FBXW4: variants seen among roughly 807,000 people sequenced by gnomAD.
The protein encoded by FBXW4 is F-box and WD repeat domain containing 4, also known as F-box/WD repeat-containing protein 4.
Under a neutral mutation model 61.8 loss-of-function variants are expected in FBXW4, and 40 were observed. The observed-to-expected ratio is 0.65, with a 90% CI of 0.50 to 0.84. FBXW4 has a LOEUF of 0.84. FBXW4 is among the 40% of genes least tolerant of loss of function. The pLI, the probability that FBXW4 is intolerant of heterozygous loss-of-function variation, is 0.00. For synonymous variants in FBXW4, 311 were observed against 313.8 expected (o/e 0.99, Z 0.10); for missense variants, 672 against 753.8 (o/e 0.89, Z 1.27).
At chr10:101,628,011 C>A (rs2063921106) in intron 5 of FBXW4, 2 of 985,092 alleles carry the variant, frequency 2.0e-6, no homozygotes, top group African/African-American at 3.5e-5. Flanking sequence ...CGCGAGATGT[C>A]TTCAACCAGA....
At chr10:101,672,263 A>C (rs544972244) in intron 4 of FBXW4, among the ~76,000 whole-genome samples, 1 of 152,382 alleles carries the variant, frequency 6.6e-6, no homozygotes, top group Non-Finnish European at 1.5e-5. Flanking sequence ...GTTGGGCACA[A>C]GCCTGGAGAA....
rs3095789 is a variant in FBXW4 at position 101,627,783 on chromosome 10, C to T, written c.1236-2973G>A. On this transcript the variant is annotated intron_variant, in intron 5 of 8. Transcript: ENST00000331272. ...AAGTGAATATGAAGCAAAGGCCAAG[C>T]TTCCATGAATGGACTTAAAATACTG... Among the ~76,000 whole-genome samples, 808 of 152,294 alleles carry T rather than the reference C, an allele frequency of 5.3e-3. 12 individuals are homozygous for T. The highest frequency in any genetic ancestry group is 0.018 in the African/African-American group (764 of 41,554).
At chr10:101,641,877 G>A (rs1172593625) in intron 5 of FBXW4, among the ~76,000 whole-genome samples, 1 of 152,036 alleles carries the variant, frequency 6.6e-6, no homozygotes, top group African/African-American at 2.4e-5. Flanking sequence ...AGACACACAT[G>A]TGGCCAGGCA....
At chr10:101,639,593 T>C (rs2064034119) in intron 5 of FBXW4, among the ~76,000 whole-genome samples, 1 of 152,184 alleles carries the variant, frequency 6.6e-6, no homozygotes, top group South Asian at 2.1e-4. Flanking sequence ...TACATGACTT[T>C]CCCTCCCTGG....
At chr10:101,620,793 C>A (rs2063861661) in intron 6 of FBXW4, among the ~76,000 whole-genome samples, 1 of 152,098 alleles carries the variant, frequency 6.6e-6, no homozygotes, top group Non-Finnish European at 1.5e-5. Flanking sequence ...CTGTCTCATA[C>A]CTATTCTCAT....
chr10:101,646,800 G>A lies in FBXW4; in HGVS notation c.1235+21086C>T, dbSNP rs578018343. On this transcript the variant is annotated intron_variant, in intron 5 of 8. Coordinates refer to ENST00000331272, the MANE Select transcript of FBXW4 (RefSeq NM_022039.4). ...TTACATTTTGGTTCTGGGGTATTTA[G>A]TTGGTTTGAAAAAATAATCCAATTA... Among the ~76,000 whole-genome samples the A allele has an allele frequency of 6.0e-4, 92 of 152,308 alleles. 1 individual carries two copies. In the South Asian group the frequency reaches 0.017, roughly 29 times the overall value.
intron 5 of FBXW4, among the ~76,000 whole-genome samples, chr10:101,645,809 C>T (rs898583822): frequency 3.3e-5 from 5 of 152,260 alleles, no homozygotes; most frequent in East Asian, 1.9e-4. Context: ...GAGCTCAGCA[C>T]AGGACAGGCA....
intron 3 of FBXW4, 47 bp downstream of exon 3, chr10:101,673,441 G>A (rs577833175): frequency 1.5e-5 from 24 of 1,599,648 alleles, no homozygotes; most frequent in Admixed American, 3.3e-5. Context: ...GAATGTCCCC[G>A]AAGTATAAGA....
At chr10:101,668,037 G>C in intron 4 of FBXW4, 57 bp from the exon 5 acceptor site, 2 of 1,350,292 alleles carry the variant, frequency 1.5e-6, no homozygotes, top group Non-Finnish European at 2.1e-6. Flanking sequence ...GTGGGGAGGA[G>C]AGGTGCTCCG....
chr10:101,657,387 C>T (rs554361492), intron 5 of FBXW4, among the ~76,000 whole-genome samples: 101 of 152,246 alleles, frequency 6.6e-4, no homozygotes, highest in African/African-American at 2.4e-3. Context: ...AATCCCAACA[C>T]TTTGGGAGGC....
At chr10:101,681,234 A>C (rs1271633457) in intron 1 of FBXW4, among the ~76,000 whole-genome samples, 1 of 151,866 alleles carries the variant, frequency 6.6e-6, no homozygotes, top group Non-Finnish European at 1.5e-5. Context: ...CTAAAAATAC[A>C]AAAATTAGCC....
chr10:101,620,652 T>G (rs1482662108), intron 6 of FBXW4, among the ~76,000 whole-genome samples: 1 of 152,178 alleles, frequency 6.6e-6, no homozygotes. Flanking sequence ...TTTTAATTTT[T>G]TTTTGATAAG....
intron 5 of FBXW4, among the ~76,000 whole-genome samples, chr10:101,646,158 C>T (rs1049861272): frequency 6.6e-6 from 1 of 152,182 alleles, no homozygotes; most frequent in Non-Finnish European, 1.5e-5. Flanking sequence ...CTATACTGTT[C>T]CCCTGCAGTA....
chr10:101,612,256 A>G (rs1394423157), intron 7 of FBXW4, 81 bp downstream of exon 7: 14 of 1,382,314 alleles, frequency 1.0e-5, no homozygotes, highest in East Asian at 5.4e-5. Flanking sequence ...GCCCTCTCCC[A>G]TGGGCCAACC....
intron 2 of FBXW4, 52 bp from the exon 3 acceptor site, chr10:101,673,725 C>T: frequency 6.4e-7 from 1 of 1,555,664 alleles, no homozygotes; most frequent in Non-Finnish European, 8.8e-7. Flanking sequence ...AGTATGAAAA[C>T]TCAACTCCAA....
At chr10:101,684,582 TA>T (rs2064514462) in intron 1 of FBXW4, among the ~76,000 whole-genome samples, 1 of 152,170 alleles carries the variant, frequency 6.6e-6, no homozygotes. Context: ...AATTTTATAT[TA>T]ACACTATCTC....
chr10:101,695,111 G>C lies in FBXW4; in HGVS notation c.-6C>G. On this transcript the variant is annotated 5_prime_UTR_variant, in exon 1 of 9. Coordinates refer to ENST00000331272, the MANE Select transcript of FBXW4 (RefSeq NM_022039.4). This position sits in a 1 kb window ranked among gnomAD's most constrained non-coding sequence, Gnocchi z 4.2. ...GAGCGGCCCTGGCTGCCCATGAGCG[G>C]CCGCGGGGCCGGCCCGACGCGGAGC... The C allele has an allele frequency of 1.0e-6, 1 of 985,272 alleles. No individual in the cohort carries two copies. The highest frequency in any genetic ancestry group is 1.2e-6 in the Non-Finnish European group (1 of 830,118). 61.0% of individuals were successfully genotyped at this position (985,272 alleles called of 1,614,324 possible).
chr10:101,659,520 G>T, intron 5 of FBXW4: 1 of 690,138 alleles, frequency 1.4e-6, no homozygotes, highest in Non-Finnish European at 1.8e-6. Context: ...GCCCTCAGAG[G>T]TTATGAAGCA....
At chr10:101,642,524 A>G (rs1280150517) in intron 5 of FBXW4, among the ~76,000 whole-genome samples, 4 of 151,988 alleles carry the variant, frequency 2.6e-5, no homozygotes, top group Admixed American at 1.3e-4. Flanking sequence ...CCAAGCTACA[A>G]CACCCCTCTG....
Sources: gnomAD v4.1 joint callset for allele counts (sites outside exome capture counted in the v4.1 genomes callset) on GRCh38, gnomAD v4.1.1 for gene constraint, Gnocchi (gnomAD v3.1) non-coding constraint, MANE v1.5 for transcripts, NCBI Gene and HGNC (gene_info 2026-07-23, HGNC 2026-07-21) for gene names.